Variants in HSPA12A observed in about 807,000 individuals in gnomAD.
HSPA12A encodes heat shock 70 kDa protein 12A.
Under a neutral mutation model 69.2 loss-of-function variants are expected in HSPA12A, and 28 were observed. The ratio of observed to expected loss-of-function variants is 0.40; its 90% CI spans 0.30 to 0.55. The LOEUF (loss-of-function observed/expected upper bound fraction) is 0.55. Ranked by LOEUF, HSPA12A falls within the 20% of genes least tolerant of loss-of-function variation. The pLI is 0.38. For missense variants in HSPA12A, 686 were observed against 900.7 expected, an observed-to-expected ratio of 0.76 and a Z score of 3.05; for synonymous variants, 345 against 370.5, an observed-to-expected ratio of 0.93 and a Z score of 0.79.
At chr10:116,694,101 C>T (rs782579539) in intron 5 of HSPA12A, among the ~76,000 whole-genome samples, 11 of 152,302 alleles carry the variant, frequency 7.2e-5, no homozygotes, top group Non-Finnish European at 1.6e-4. Context: ...CTTCCTTGAG[C>T]TGTCTGGAGA....
rs1286753098 is a variant in HSPA12A at position 116,842,676 on chromosome 10, CACT to C, written c.3+6887_3+6889del. Among the ~76,000 whole-genome samples the C allele has an allele frequency of 3.3e-5, 5 of 152,254 alleles. No homozygotes were observed. In the East Asian group the frequency reaches 9.7e-4, roughly 29 times the overall value. On this transcript the variant is annotated intron_variant, in intron 1 of 12. Transcript: ENST00000635765. ...CTGTCGCCCGGGTGCAATCTCAGCT[CACT>C]ACAACCTCTGCCTCCCGGGTTCAAG...
At chr10:116,682,555 T>C (rs1554878818) in intron 7 of HSPA12A, among the ~76,000 whole-genome samples, 1 of 152,074 alleles carries the variant, frequency 6.6e-6, no homozygotes, top group East Asian at 1.9e-4. Context: ...GCCTTTTCCA[T>C]GAACACAGGG....
chr10:116,833,796 C>G (rs1845662018), intron 2 of HSPA12A, among the ~76,000 whole-genome samples: 1 of 152,196 alleles, frequency 6.6e-6, no homozygotes, highest in Admixed American at 6.5e-5. Context: ...ACTTTCAGGG[C>G]TACACAGAGT....
At chr10:116,772,715 C>G (rs1202408868) in intron 2 of HSPA12A, among the ~76,000 whole-genome samples, 2 of 151,692 alleles carry the variant, frequency 1.3e-5, no homozygotes, top group African/African-American at 2.4e-5. Flanking sequence ...TATTTGGAGA[C>G]AGGGTCTCCC....
intron 1 of HSPA12A, among the ~76,000 whole-genome samples, chr10:116,836,368 C>CATTGTCTTAA (rs1845710619): frequency 6.6e-6 from 1 of 152,118 alleles, no homozygotes; most frequent in Non-Finnish European, 1.5e-5. Flanking sequence ...CTTAAAGGGC[C>CATTGTCTTAA]AGTGACATTG....
intron 1 of HSPA12A, among the ~76,000 whole-genome samples, chr10:116,840,156 C>T (rs1845781839): frequency 6.6e-6 from 1 of 152,122 alleles, no homozygotes. Context: ...GACTGCATAT[C>T]CTGTTTTGCA....
rs376432151 is a variant in HSPA12A, at chr10:116,686,859, T to C, written c.664-2897A>G. ...CCATAAGCTCCACCCCTCATCCCTC[T>C]TCCCACACCATAAGCTCCGCCCCTC... On this transcript the variant is annotated intron_variant, in intron 6 of 11. Coordinates refer to ENST00000369209, the MANE Select transcript of HSPA12A (RefSeq NM_025015.3). This position sits in a 1 kb window ranked among gnomAD's most constrained non-coding sequence, Gnocchi z 4.1. Among the ~76,000 whole-genome samples, 1 of 141,224 alleles carries C rather than the reference T, an allele frequency of 7.1e-6. No individual in the cohort carries two copies. The highest frequency in any genetic ancestry group is 2.6e-5 in the African/African-American group (1 of 38,152). 92.6% of individuals were successfully genotyped at this position (141,224 alleles called of 152,430 possible). A position where few individuals can be genotyped will look rare whatever the true frequency, so the allele number is the denominator to read the frequency against.
intron 2 of HSPA12A, among the ~76,000 whole-genome samples, chr10:116,784,221 G>A (rs1219123175): frequency 6.6e-6 from 1 of 152,190 alleles, no homozygotes; most frequent in Non-Finnish European, 1.5e-5. Flanking sequence ...TTGTGGCTAG[G>A]CTGGGGCCTT....
In HSPA12A at chr10:116,672,008, C is replaced by G. The variant is rs1200759129; in HGVS notation, c.*2773G>C. 6.6e-6 allele frequency: 1 copy of G among 152,238 alleles called. No homozygotes were observed. Among genetic ancestry groups the G allele is most frequent in the African/African-American group, 2.4e-5 (1 of 41,440 alleles). The allele number at this position is 152,238 out of a possible 1,614,324, so 9.4% of individuals were successfully genotyped here. A position where few individuals can be genotyped will look rare whatever the true frequency, so the allele number is the denominator to read the frequency against. On this transcript the variant is annotated 3_prime_UTR_variant, in exon 12 of 12. Coordinates refer to ENST00000369209, the MANE Select transcript of HSPA12A (RefSeq NM_025015.3). ...AAGATAAAATTATCATCCTCTCCAT[C>G]ACCTATCTGCCAACACTGCAGATTT... is the stretch of plus-strand genomic sequence containing the variant.
At chr10:116,845,065 AG>A (rs1321722828) in intron 1 of HSPA12A, among the ~76,000 whole-genome samples, 1 of 152,188 alleles carries the variant, frequency 6.6e-6, no homozygotes, top group Non-Finnish European at 1.5e-5. Flanking sequence ...GACCCAGTTC[AG>A]GGGTTCTCTA....
At chr10:116,681,672 T>C in intron 8 of HSPA12A, 119 bp downstream of exon 8, 2 of 785,942 alleles carry the variant, frequency 2.5e-6, no homozygotes, top group South Asian at 3.5e-5. Flanking sequence ...GCATGAGTGG[T>C]CTTTAGAACC....
In HSPA12A at chr10:116,840,340, A is replaced by G. The variant is rs1589735576; in HGVS notation, c.4-5318T>C. Among the ~76,000 whole-genome samples, 3 of 152,352 alleles carry G rather than the reference A, an allele frequency of 2.0e-5. No individual in the cohort carries two copies. The East Asian group carries it at 5.8e-4, about 29-fold the overall frequency. ...AAGTAAGAAATGATGATACACAGGA[A>G]AACATTCATTCTAAAGCTTACACAT... On this transcript the variant is annotated intron_variant, in intron 1 of 12. Transcript: ENST00000635765.
chr10:116,820,588 G>A (rs147056283), intron 2 of HSPA12A, among the ~76,000 whole-genome samples: 5 of 151,876 alleles, frequency 3.3e-5, no homozygotes, highest in African/African-American at 9.7e-5. Flanking sequence ...GTTCATTCCC[G>A]GCACAGCATT....
upstream of HSPA12A, among the ~76,000 whole-genome samples, chr10:116,744,707 C>T (rs1313751246): frequency 6.6e-6 from 1 of 152,240 alleles, no homozygotes; most frequent in Non-Finnish European, 1.5e-5. Context: ...ACCATCCAGC[C>T]CGCCAGCGAG....
At chr10:116,719,841 C>T (rs1384592397) in intron 1 of HSPA12A, among the ~76,000 whole-genome samples, 1 of 152,188 alleles carries the variant, frequency 6.6e-6, no homozygotes, top group Non-Finnish European at 1.5e-5. Context: ...GCCAGCAAGT[C>T]CCTGTCACCA....
intron 1 of HSPA12A, among the ~76,000 whole-genome samples, chr10:116,838,482 A>C (rs1845754378): frequency 6.6e-6 from 1 of 152,246 alleles, no homozygotes; most frequent in Non-Finnish European, 1.5e-5. Context: ...ACACATCATC[A>C]GTGGAATGAA....
intron 2 of HSPA12A, among the ~76,000 whole-genome samples, chr10:116,777,260 G>A (rs1212190245): frequency 6.6e-6 from 1 of 152,218 alleles, no homozygotes; most frequent in Non-Finnish European, 1.5e-5. Context: ...ACTTTACATG[G>A]ACAGCTCAGG....
At chr10:116,820,658 G>A (rs1845395456) in intron 2 of HSPA12A, among the ~76,000 whole-genome samples, 3 of 150,932 alleles carry the variant, frequency 2.0e-5, no homozygotes. Flanking sequence ...AATGCCCCAG[G>A]CTTTAGTCCT....
Position 116,701,078 on chromosome 10 carries a change from G to A in HSPA12A, c.306C>T (p.Thr102=). 1 of 1,614,172 alleles carries A rather than the reference G, an allele frequency of 6.2e-7. No homozygotes were observed. Among genetic ancestry groups the A allele is most frequent in the Non-Finnish European group, 8.5e-7 (1 of 1,180,036 alleles). ...PGVSNQKTPT[T]ILLTPERKFH... is the part of the protein sequence containing the mutation. The stretch of plus-strand genomic sequence containing the variant: ...ACTTCCTCTCGGGAGTCAGCAAGAT[G>A]GTGGTTGGAGTCTTCTGATTGGACA... The change falls in exon 4 of 12, where the codon ACC becomes ACT. Residue 102 remains threonine (T), a synonymous_variant. Transcript: ENST00000369209.
Sources: gnomAD v4.1 joint callset for allele counts (sites outside exome capture counted in the v4.1 genomes callset) on GRCh38, gnomAD v4.1.1 for gene constraint, Gnocchi (gnomAD v3.1) non-coding constraint, MANE v1.5 for transcripts, NCBI Gene and HGNC (gene_info 2026-07-23, HGNC 2026-07-21) for gene names.